Variants in ZC3H12A observed in about 807,000 individuals in gnomAD.
The protein encoded by ZC3H12A is endoribonuclease ZC3H12A.
A neutral mutation model predicts 29.9 loss-of-function variants in ZC3H12A; 9 were observed. The observed-to-expected ratio is 0.30, with a 90% CI of 0.18 to 0.53. The LOEUF is 0.53. Among genes scored for constraint, ZC3H12A ranks in the 20% least tolerant of loss-of-function variants. ZC3H12A has a pLI of 0.96. For synonymous variants in ZC3H12A, 323 were observed against 338.1 expected (o/e 0.96, Z 0.49); for missense variants, 617 against 799.0 (o/e 0.77, Z 2.75).
At position 37,479,008 on chromosome 1, in the gene ZC3H12A, C is replaced by G; in HGVS notation, c.444-1282C>G. 1.0e-6 allele frequency: 1 copy of G among 985,372 alleles called. No individual in the cohort carries two copies. Among genetic ancestry groups the G allele is most frequent in the Non-Finnish European group, 1.2e-6 (1 of 829,894 alleles). The allele number at this position is 985,372 out of a possible 1,614,324, so 61.0% of individuals were successfully genotyped here. On this transcript the variant is annotated intron_variant, in intron 2 of 5. Transcript: ENST00000373087. The surrounding 1 kb of genome is among the most constrained non-coding windows in gnomAD (Gnocchi z 4.5). ...GCCCCCAGCTGCCCCACCTCCCTCC[C>G]TAGCTTCTCTTAGGGCTCCAGCTAT...
intron 2 of ZC3H12A, among the ~76,000 whole-genome samples, chr1:37,477,748 T>C (rs1333673567): frequency 1.3e-5 from 2 of 152,126 alleles, no homozygotes; most frequent in African/African-American, 2.4e-5. Context: ...AGAACTGGAA[T>C]GGGGGCAGGG....
chr1:37,480,434 G>A lies in ZC3H12A; in HGVS notation c.583+5G>A, dbSNP rs1188766722. On this transcript the variant is annotated splice_donor_5th_base_variant and intron_variant, in intron 3 of 5. Coordinates refer to ENST00000373087, the MANE Select transcript of ZC3H12A (RefSeq NM_025079.3). ...GGCCCGACGTGCCCATCACAGGTGA[G>A]TGGTGCCTCTGGAGGTGGGATGGTC... 6 of 1,610,628 alleles carry A rather than the reference G, an allele frequency of 3.7e-6. No homozygotes were observed. Among genetic ancestry groups the A allele is most frequent in the Non-Finnish European group, 5.1e-6 (6 of 1,177,912 alleles).
rs758915642 is a variant in ZC3H12A, at chr1:37,482,606, G to A, written c.925+66G>A. 29 of 1,608,990 alleles carry A rather than the reference G, an allele frequency of 1.8e-5. No individual in the cohort carries two copies. In the African/African-American group the frequency reaches 3.6e-4, roughly 20 times the overall value. On this transcript the variant is annotated intron_variant, in intron 5 of 5. Transcript: ENST00000373087. ...TGCCCTTCCTCTCACCTGTCTGCCT[G>A]TGCCCTGTTTTCCTCTTGGGGACCT...
chr1:37,482,528 C>T lies in ZC3H12A; in HGVS notation c.913C>T (p.Pro305Ser). 1.9e-6 allele frequency: 3 copies of T among 1,614,122 alleles called. No individual in the cohort carries two copies. Among genetic ancestry groups the T allele is most frequent in the Non-Finnish European group, 1.7e-6 (2 of 1,180,000 alleles). The change falls in exon 5 of 6, where the codon CCG becomes TCG. Residue 305 changes from proline (P) to serine (S), a missense_variant. Around this residue, in one of 5 missense-constraint regions of ZC3H12A, gnomAD observed 255 missense variants for 402.5 expected, o/e 0.63. Coordinates refer to ENST00000373087, the MANE Select transcript of ZC3H12A (RefSeq NM_025079.3). Reference sequence around the variant, plus strand: ...ACTCACTTTGGAGCACAGGAAGCAGCCGTGTCCCTATGGTATGGAACCCAG... The same window carrying T: ...ACTCACTTTGGAGCACAGGAAGCAGTCGTGTCCCTATGGTATGGAACCCAG... The part of the protein sequence containing the change: ...KPLTLEHRKQ[P>S]CPYGRKCTYG...
chr1:37,476,057 T>C lies in ZC3H12A; in HGVS notation c.443+118T>C. 1 of 1,125,116 alleles carries C rather than the reference T, an allele frequency of 8.9e-7. No individual in the cohort carries two copies. Among genetic ancestry groups the C allele is most frequent in the Non-Finnish European group, 1.2e-6 (1 of 821,520 alleles). 69.7% of individuals were successfully genotyped at this position (1,125,116 alleles called of 1,614,324 possible). A position where few individuals can be genotyped will look rare whatever the true frequency, so the allele number is the denominator to read the frequency against. On this transcript the variant is annotated intron_variant, in intron 2 of 5. Transcript: ENST00000373087. The surrounding 1 kb of genome is among the most constrained non-coding windows in gnomAD (Gnocchi z 6.0). The stretch of plus-strand genomic sequence containing the variant: ...GGGCTGGAAGAAGTGACTTCCTTCT[T>C]AGGGACTGGTCTAGAGGGAGGGAAA...
rs767906694 is a variant in ZC3H12A, at chr1:37,475,614, G to A, written c.118G>A (p.Ala40Thr). 4.2e-5 allele frequency: 68 copies of A among 1,613,972 alleles called. No homozygotes were observed. The highest frequency in any genetic ancestry group is 2.3e-4 in the Admixed American group (14 of 60,012). The change falls in exon 2 of 6, where the codon GCT becomes ACT. Residue 40 changes from alanine (A) to threonine (T), a missense_variant. Physicochemically the swap from Ala to Thr is moderately conservative, Grantham distance 58 (BLOSUM62 0). Transcript: ENST00000373087. This position sits in a 1 kb window ranked among gnomAD's most constrained non-coding sequence, Gnocchi z 5.2. ...GTPRPGQELA[A>T]EEASALELQM... The stretch of plus-strand genomic sequence containing the variant: ...CCCAAGGCCGGGTCAAGAGCTGGCC[G>A]CTGAGGAGGCCTCGGCCCTGGAACT...
At chr1:37,480,250 T>G (rs771412975) in intron 2 of ZC3H12A, 40 bp from the exon 3 acceptor site, 1 of 1,593,146 alleles carries the variant, frequency 6.3e-7, no homozygotes, top group South Asian at 1.1e-5. Flanking sequence ...GGTGGCAGGC[T>G]GGCCATCAGT....
intron 2 of ZC3H12A, among the ~76,000 whole-genome samples, chr1:37,477,420 G>A (rs1297396970): frequency 2.6e-5 from 4 of 152,204 alleles, no homozygotes; most frequent in Admixed American, 6.5e-5. Flanking sequence ...CTGGGGTAGT[G>A]GCAGGAGGGG....
At chr1:37,481,057 G>A (rs1396761178) in intron 3 of ZC3H12A, among the ~76,000 whole-genome samples, 6 of 152,208 alleles carry the variant, frequency 3.9e-5, no homozygotes, top group Admixed American at 3.9e-4. Context: ...CAGCCTGTCT[G>A]GGACTGTAGG....
chr1:37,481,465 C>CCCCA (rs1569925917), intron 3 of ZC3H12A, 136 bp from the exon 4 acceptor site: 10 of 780,188 alleles, frequency 1.3e-5, no homozygotes, highest in Admixed American at 9.1e-5. Context: ...GAAGAGGCCT[C>CCCCA]AGCAGAGTTA....
In ZC3H12A at chr1:37,483,830, G is replaced by A. The variant is rs77186299; in HGVS notation, c.*219G>A. 124 of 595,960 alleles carry A rather than the reference G, an allele frequency of 2.1e-4. No individual in the cohort carries two copies. The highest frequency in any genetic ancestry group is 1.0e-3 in the East Asian group (37 of 35,772). The allele number at this position is 595,960 out of a possible 1,614,324, so 36.9% of individuals were successfully genotyped here. A position where few individuals can be genotyped will look rare whatever the true frequency, so the allele number is the denominator to read the frequency against. On this transcript the variant is annotated 3_prime_UTR_variant, in exon 6 of 6. Coordinates refer to ENST00000373087, the MANE Select transcript of ZC3H12A (RefSeq NM_025079.3). Reference sequence around the variant, plus strand: ...CTGTCTGCCTCAGTGGGTCAGAAGCGATCACCCTGTTGATACACATTGTAT... The same window carrying A: ...CTGTCTGCCTCAGTGGGTCAGAAGCAATCACCCTGTTGATACACATTGTAT...
intron 1 of ZC3H12A, 42 bp downstream of exon 1, chr1:37,474,671 G>T (rs1641541534): frequency 6.6e-6 from 1 of 151,562 alleles, no homozygotes. Flanking sequence ...GCGGGGAAGC[G>T]GCAGGGAGCG....
intron 3 of ZC3H12A, among the ~76,000 whole-genome samples, chr1:37,480,799 C>T (rs991175176): frequency 1.3e-5 from 2 of 151,600 alleles, no homozygotes; most frequent in African/African-American, 4.8e-5. Flanking sequence ...GACAGGGACC[C>T]CTCTTAGCCC....
chr1:37,478,260 T>C lies in ZC3H12A; in HGVS notation c.444-2030T>C, dbSNP rs1217218139. Among the ~76,000 whole-genome samples, 1 of 152,180 alleles carries C rather than the reference T, an allele frequency of 6.6e-6. No homozygotes were observed. Among genetic ancestry groups the C allele is most frequent in the Non-Finnish European group, 1.5e-5 (1 of 68,018 alleles). On this transcript the variant is annotated intron_variant, in intron 2 of 5. Transcript: ENST00000373087. The surrounding 1 kb of genome is among the most constrained non-coding windows in gnomAD (Gnocchi z 5.2). ...GTCAGGGAAGGCTTCTCAGAGGCAG[T>C]GACATCTCACAAGGGTTCTGAAGGA...
At position 37,478,640 on chromosome 1, in the gene ZC3H12A, A is replaced by G. The variant is rs1264875124; in HGVS notation, c.444-1650A>G. 6.6e-6 allele frequency among the ~76,000 whole-genome samples: 1 copy of G among 152,202 alleles called. No individual in the cohort carries two copies. The highest frequency in any genetic ancestry group is 1.5e-5 in the Non-Finnish European group (1 of 68,036). On this transcript the variant is annotated intron_variant, in intron 2 of 5. Coordinates refer to ENST00000373087, the MANE Select transcript of ZC3H12A (RefSeq NM_025079.3). This position sits in a 1 kb window ranked among gnomAD's most constrained non-coding sequence, Gnocchi z 5.2. ...ATTGACGTACAGGGTAGTGATAAGC[A>G]TAGGCCCTGGGCTTGCGTCTCTCTT...
At position 37,483,787 on chromosome 1, in the gene ZC3H12A, C is replaced by A; in HGVS notation, c.*176C>A. 1.2e-6 allele frequency: 1 copy of A among 825,706 alleles called. No individual in the cohort carries two copies. Among genetic ancestry groups the A allele is most frequent in the Non-Finnish European group, 1.8e-6 (1 of 545,314 alleles). 51.1% of individuals were successfully genotyped at this position (825,706 alleles called of 1,614,324 possible). On this transcript the variant is annotated 3_prime_UTR_variant, in exon 6 of 6. Transcript: ENST00000373087. ...AAAGATACTGTAGGATTGGTTCTGG[C>A]CCATGCAGCACCTCTAGCTGTCTGC...
In ZC3H12A at chr1:37,482,460, G is replaced by A; in HGVS notation, c.845G>A (p.Gly282Asp). 1 of 1,613,964 alleles carries A rather than the reference G, an allele frequency of 6.2e-7. No homozygotes were observed. Among genetic ancestry groups the A allele is most frequent in the Non-Finnish European group, 8.5e-7 (1 of 1,179,916 alleles). ...DKFMPPDDPL[G>D]RHGPSLDNFL... ...TTTATGCCCCCTGATGACCCACTGG[G>A]CCGGCACGGGCCCAGCCTGGACAAC... The change falls in exon 5 of 6, where the codon GGC becomes GAC. Residue 282 changes from glycine (G) to aspartate (D), a missense_variant. By Grantham distance (94) the Gly-to-Asp change is moderately conservative. This residue lies in a region of ZC3H12A where 255 missense variants were observed against 402.5 expected (regional missense o/e 0.63). Coordinates refer to ENST00000373087, the MANE Select transcript of ZC3H12A (RefSeq NM_025079.3).
Position 37,483,542 on chromosome 1 carries a change from A to T in ZC3H12A, c.1731A>T (p.Pro577=). ...TGGAGGCTGTGATGGGGCGCTTCCCACAGCTCCTGGACCCCCAGCAGCTGG... is the reference window on the plus strand; with the variant it reads ...TGGAGGCTGTGATGGGGCGCTTCCCTCAGCTCCTGGACCCCCAGCAGCTGG... ...HLVEAVMGRF[P]QLLDPQQLAA... The change falls in exon 6 of 6, where the codon CCA becomes CCT. Residue 577 remains proline, a synonymous_variant. Transcript: ENST00000373087. 6.2e-7 allele frequency: 1 copy of T among 1,613,482 alleles called. No homozygotes were observed. Among genetic ancestry groups the T allele is most frequent in the Non-Finnish European group, 8.5e-7 (1 of 1,179,858 alleles).
intron 4 of ZC3H12A, among the ~76,000 whole-genome samples, chr1:37,482,099 G>A (rs72923192): frequency 1.1e-3 from 166 of 152,342 alleles, no homozygotes; most frequent in African/African-American, 3.9e-3. Flanking sequence ...GGATGTATGT[G>A]GTTGATGGTT....
Sources: allele counts gnomAD v4.1 joint callset (sites outside exome capture counted in the v4.1 genomes callset), GRCh38; gene constraint gnomAD v4.1.1; regional missense constraint gnomAD v4.1.1; non-coding constraint Gnocchi (gnomAD v3.1); transcripts MANE v1.5; gene names NCBI Gene and HGNC (gene_info 2026-07-23, HGNC 2026-07-21).